ASTN2: variants seen among roughly 807,000 people sequenced by gnomAD.
The protein encoded by ASTN2 is astrotactin 2.
A neutral mutation model predicts 139.8 loss-of-function variants in ASTN2; 54 were observed. The observed-to-expected ratio is 0.39, with a 90% CI of 0.31 to 0.48. The LOEUF is 0.48. ASTN2 is among the 20% of genes least tolerant of loss of function. The pLI is 0.95. For synonymous variants in ASTN2, 756 were observed against 719.5 expected (o/e 1.05, Z -0.81); for missense variants, 1,565 against 1,725.1 (o/e 0.91, Z 1.64).
intron 4 of ASTN2, among the ~76,000 whole-genome samples, chr9:117,121,230 T>C (rs976222194): frequency 3.3e-5 from 5 of 152,200 alleles, no homozygotes; most frequent in Non-Finnish European, 5.9e-5. Flanking sequence ...ATTGGTCTAT[T>C]ATGTTGGTGC....
At position 116,756,770 on chromosome 9, in the gene ASTN2, A is replaced by AACACACACACAC. The variant is rs111716372; in HGVS notation, c.2397-23259_2397-23248dup. Among the ~76,000 whole-genome samples the AACACACACACAC allele has an allele frequency of 2.9e-3, 430 of 148,110 alleles. 1 individual carries two copies. The highest frequency in any genetic ancestry group is 6.6e-3 in the African/African-American group (264 of 40,258). On this transcript the variant is annotated intron_variant, in intron 13 of 22. Transcript: ENST00000313400. ...GTTATCTATAAGATGCTCCGAATAAAACACACACACACACACACACACACA... is the reference window on the plus strand; with the variant it reads ...GTTATCTATAAGATGCTCCGAATAAAACACACACACACACACACACACACACACACACACACA...
At chr9:116,938,628 A>G (rs1835142328) in intron 10 of ASTN2, among the ~76,000 whole-genome samples, 1 of 152,184 alleles carries the variant, frequency 6.6e-6, no homozygotes, top group African/African-American at 2.4e-5. Flanking sequence ...GCTAGCTGAA[A>G]GGGCCCTGGA....
Position 116,630,336 on chromosome 9 carries a change from A to G in ASTN2, c.3073-9893T>C, listed in dbSNP as rs536012898. Reference sequence around the variant, plus strand: ...CATCTCCATAAACAGCCTGTATATTAGGTTGTATTGTTTCCATGCAACCCT... The same window carrying G: ...CATCTCCATAAACAGCCTGTATATTGGGTTGTATTGTTTCCATGCAACCCT... On this transcript the variant is annotated intron_variant, in intron 17 of 22. Coordinates refer to ENST00000313400, the MANE Select transcript of ASTN2 (RefSeq NM_001365068.1). 1.9e-3 allele frequency among the ~76,000 whole-genome samples: 287 copies of G among 152,332 alleles called. 15 individuals are homozygous for G. The highest frequency in any genetic ancestry group is 1.5e-3 in the Non-Finnish European group (101 of 68,032).
In ASTN2 at chr9:116,451,637, G is replaced by C. The variant is rs577563824; in HGVS notation, c.3498-9084C>G. On this transcript the variant is annotated intron_variant, in intron 20 of 22. Transcript: ENST00000313400. ...AAACAGTGGACTAAGCCTTAGATAT[G>C]AGTTTAAAAGCTACTGTGAACTAGA... Among the ~76,000 whole-genome samples the C allele has an allele frequency of 2.6e-5, 4 of 152,082 alleles. No homozygotes were observed. In the South Asian group the frequency reaches 8.3e-4, roughly 32 times the overall value.
At chr9:116,461,517 T>C (rs1034871084) in intron 20 of ASTN2, among the ~76,000 whole-genome samples, 30 of 152,128 alleles carry the variant, frequency 2.0e-4, no homozygotes, top group African/African-American at 7.0e-4. Context: ...TTGTGGTCTC[T>C]CCTACATAAA....
chr9:117,389,844 C>T (rs558104261), intron 1 of ASTN2, among the ~76,000 whole-genome samples: 2 of 150,982 alleles, frequency 1.3e-5, no homozygotes, highest in South Asian at 2.1e-4. Flanking sequence ...TGCAATGTGG[C>T]TACTGAGTGA....
intron 2 of ASTN2, among the ~76,000 whole-genome samples, chr9:117,237,834 C>T (rs1833090350): frequency 6.6e-6 from 1 of 152,312 alleles, no homozygotes; most frequent in East Asian, 1.9e-4. Context: ...TTTCACTTCA[C>T]TCTACCTCCC....
intron 19 of ASTN2, among the ~76,000 whole-genome samples, chr9:116,588,575 T>A (rs891793898): frequency 6.6e-6 from 1 of 152,196 alleles, no homozygotes; most frequent in South Asian, 2.1e-4. Context: ...TGATCTTGGA[T>A]ATGTTACTTA....
chr9:117,332,218 G>A (rs1484292217), intron 1 of ASTN2, among the ~76,000 whole-genome samples: 3 of 152,126 alleles, frequency 2.0e-5, no homozygotes, highest in Non-Finnish European at 4.4e-5. Context: ...TGCTCTGTCA[G>A]GCTTTAGCTA....
chr9:116,969,647 T>G (rs1836126070), intron 10 of ASTN2, among the ~76,000 whole-genome samples: 1 of 152,166 alleles, frequency 6.6e-6, no homozygotes, highest in Admixed American at 6.5e-5. Context: ...AACCTTACTA[T>G]GCCAAAAGCC....
chr9:117,291,677 T>C (rs1399046446), intron 1 of ASTN2, among the ~76,000 whole-genome samples, 164 bp from the exon 2 acceptor site: 2 of 152,210 alleles, frequency 1.3e-5, no homozygotes, highest in East Asian at 1.9e-4. Flanking sequence ...CTTTCATTTA[T>C]AGATGAGTCA....
Position 117,060,585 on chromosome 9 carries a change from C to CAGGCAGGAAGGA in ASTN2, c.1277-20621_1277-20620insTCCTTCCTGCCT, listed in dbSNP as rs373697206. 8.7e-3 allele frequency among the ~76,000 whole-genome samples: 1,158 copies of CAGGCAGGAAGGA among 132,386 alleles called. 32 individuals are homozygous for CAGGCAGGAAGGA. Among genetic ancestry groups the CAGGCAGGAAGGA allele is most frequent in the African/African-American group, 0.027 (919 of 34,568 alleles). 86.9% of individuals were successfully genotyped at this position (132,386 alleles called of 152,430 possible). A position where few individuals can be genotyped will look rare whatever the true frequency, so the allele number is the denominator to read the frequency against. On this transcript the variant is annotated intron_variant, in intron 5 of 22. Transcript: ENST00000313400. ...GAAAGAGGGAGGGAGGGAAAGAAGG[C>CAGGCAGGAAGGA]AGGAAGGAAGGAAGGAAGGAAGGGC...
At chr9:117,127,671 GGT>G (rs1829723450) in intron 4 of ASTN2, among the ~76,000 whole-genome samples, 5 of 97,142 alleles carry the variant, frequency 5.1e-5, no homozygotes, top group African/African-American at 1.5e-4. Context: ...TTTTTGTTTT[GGT>G]TTTTTTTTTT....
At chr9:117,161,753 G>A (rs527304057) in intron 3 of ASTN2, among the ~76,000 whole-genome samples, 5 of 152,128 alleles carry the variant, frequency 3.3e-5, no homozygotes, top group East Asian at 1.9e-4. Flanking sequence ...TGGGGAGATG[G>A]AAGAGCAAAA....
At chr9:117,328,152 C>T (rs1172145732) in intron 1 of ASTN2, among the ~76,000 whole-genome samples, 1 of 152,156 alleles carries the variant, frequency 6.6e-6, no homozygotes, top group African/African-American at 2.4e-5. Flanking sequence ...TTCCCTTTCT[C>T]GGACTCGGGG....
chr9:116,469,589 A>G (rs1477302346), intron 20 of ASTN2, among the ~76,000 whole-genome samples: 2 of 152,184 alleles, frequency 1.3e-5, no homozygotes, highest in Non-Finnish European at 2.9e-5. Flanking sequence ...TGGCCAATTT[A>G]TTGAACCTTC....
At chr9:116,479,533 A>T (rs1487428547) in intron 20 of ASTN2, among the ~76,000 whole-genome samples, 2 of 152,190 alleles carry the variant, frequency 1.3e-5, no homozygotes, top group Admixed American at 6.5e-5. Flanking sequence ...TTGCTGAGAC[A>T]CATGGGAGTC....
chr9:117,214,641 T>G lies in ASTN2; in HGVS notation c.732A>C (p.Ala244=), dbSNP rs756941478. 16 of 1,575,954 alleles carry G rather than the reference T, an allele frequency of 1.0e-5. No homozygotes were observed. In the South Asian group the frequency reaches 1.8e-4, roughly 18 times the overall value. The change falls in exon 3 of 23, where the codon GCA becomes GCC. Residue 244 remains alanine (A), a synonymous_variant. Coordinates refer to ENST00000313400, the MANE Select transcript of ASTN2 (RefSeq NM_001365068.1). ...QKRRRIPQKS[A]STEATHEIHY... ...GGATCTCATGAGTGGCTTCTGTGCTTGCGCTCTTCTGGGGGATGCGGCGAC... is the reference window on the plus strand; with the variant it reads ...GGATCTCATGAGTGGCTTCTGTGCTGGCGCTCTTCTGGGGGATGCGGCGAC...
intron 19 of ASTN2, chr9:116,611,998 A>G (rs1331474489): frequency 6.6e-6 from 1 of 152,168 alleles, no homozygotes; most frequent in Non-Finnish European, 1.5e-5. Flanking sequence ...CTCACATAGT[A>G]GGTTGTTTTA....
Sources: gnomAD v4.1 joint callset for allele counts (sites outside exome capture counted in the v4.1 genomes callset) on GRCh38, gnomAD v4.1.1 for gene constraint, MANE v1.5 for transcripts, NCBI Gene and HGNC (gene_info 2026-07-23, HGNC 2026-07-21) for gene names.